MTPN: variants seen among roughly 807,000 people sequenced by gnomAD.
The protein encoded by MTPN is myotrophin.
Under a neutral mutation model 13.5 loss-of-function variants are expected in MTPN, and 2 were observed. The ratio of observed to expected loss-of-function variants is 0.15; its 90% CI spans 0.06 to 0.47. The LOEUF is 0.47. Ranked by LOEUF, MTPN falls within the 20% of genes least tolerant of loss-of-function variation. MTPN has a pLI of 0.97. For synonymous variants in MTPN, 46 were observed against 51.7 expected (o/e 0.89, Z 0.48); for missense variants, 79 against 137.9 (o/e 0.57, Z 2.14).
intron 3 of MTPN, among the ~76,000 whole-genome samples, chr7:135,937,400 C>G (rs1038172374): frequency 1.3e-5 from 2 of 148,756 alleles, no homozygotes; most frequent in East Asian, 2.1e-4. Flanking sequence ...CACACACACA[C>G]AAAACCTCTC....
intron 3 of MTPN, among the ~76,000 whole-genome samples, chr7:135,946,957 C>T (rs1799296682): frequency 6.6e-6 from 1 of 152,122 alleles, no homozygotes; most frequent in South Asian, 2.1e-4. Flanking sequence ...GCTTCTTGAG[C>T]CTGCATTAAT....
intron 1 of MTPN, among the ~76,000 whole-genome samples, chr7:135,972,231 G>GCGCACACACACACACACACACA (rs779296906): frequency 1.1e-4 from 14 of 124,698 alleles, no homozygotes; most frequent in Admixed American, 6.8e-4. Flanking sequence ...GCACGCGCGC[G>GCGCACACACACACACACACACA]CACACACACA....
In MTPN at chr7:135,977,266, A is replaced by G; in HGVS notation, c.-166T>C. On this transcript the variant is annotated 5_prime_UTR_variant, in exon 1 of 4. Coordinates refer to ENST00000393085, the MANE Select transcript of MTPN (RefSeq NM_145808.4). ...GCGGGCGAGGCAGTTGGCCGCGGCG[A>G]CCGTTCGGGCGGGAGAAAGAAAGTT... The G allele has an allele frequency of 2.9e-6, 2 of 681,376 alleles. No individual in the cohort carries two copies. The highest frequency in any genetic ancestry group is 5.1e-6 in the Non-Finnish European group (2 of 391,418). 42.2% of individuals were successfully genotyped at this position (681,376 alleles called of 1,614,324 possible). A position where few individuals can be genotyped will look rare whatever the true frequency, so the allele number is the denominator to read the frequency against.
intron 1 of MTPN, among the ~76,000 whole-genome samples, chr7:135,966,432 T>C (rs546429839): frequency 6.6e-6 from 1 of 152,166 alleles, no homozygotes; most frequent in South Asian, 2.1e-4. Context: ...ATCATGCATA[T>C]CCCTAAGCAG....
chr7:135,938,340 GCAA>G (rs1215909459), intron 3 of MTPN, among the ~76,000 whole-genome samples: 3 of 152,182 alleles, frequency 2.0e-5, no homozygotes, highest in African/African-American at 7.2e-5. Context: ...ATTTTCTTTA[GCAA>G]CCATGGTTTT....
At chr7:135,964,516 C>T (rs1400325510) in intron 1 of MTPN, among the ~76,000 whole-genome samples, 1 of 152,066 alleles carries the variant, frequency 6.6e-6, no homozygotes, top group Non-Finnish European at 1.5e-5. Context: ...GAAGGATGAT[C>T]TCATGCAGCT....
chr7:135,964,726 C>A (rs1267976006), intron 1 of MTPN, among the ~76,000 whole-genome samples: 1 of 152,020 alleles, frequency 6.6e-6, no homozygotes, highest in Non-Finnish European at 1.5e-5. Context: ...AAGCACCTTT[C>A]CATGCCTTGC....
chr7:135,935,348 C>T (rs1476263332), intron 3 of MTPN, among the ~76,000 whole-genome samples: 1 of 151,980 alleles, frequency 6.6e-6, no homozygotes, highest in Non-Finnish European at 1.5e-5. Flanking sequence ...AAGCAATTCT[C>T]CTGCCTCAGC....
At chr7:135,953,601 T>C (rs868807207) in intron 1 of MTPN, among the ~76,000 whole-genome samples, 8 of 152,192 alleles carry the variant, frequency 5.3e-5, no homozygotes, top group Non-Finnish European at 1.0e-4. Flanking sequence ...ATGTATGTAA[T>C]AGGTATACTC....
chr7:135,958,510 T>C (rs1799477268), intron 1 of MTPN, among the ~76,000 whole-genome samples: 1 of 152,188 alleles, frequency 6.6e-6, no homozygotes, highest in Non-Finnish European at 1.5e-5. Flanking sequence ...TTTTAATCCT[T>C]GCTTGTGTCT....
chr7:135,939,502 C>A (rs1799169488), intron 3 of MTPN, among the ~76,000 whole-genome samples: 1 of 147,072 alleles, frequency 6.8e-6, no homozygotes, highest in Non-Finnish European at 1.5e-5. Flanking sequence ...CCCCCCTCTT[C>A]CTGTTGTCAA....
In MTPN at chr7:135,950,638, A is replaced by G. The variant is rs1258079692; in HGVS notation, c.231T>C (p.Tyr77=). ...HHITPLLSAV[Y]EGHVSCVKLL... ...ATTTCACACAGGAAACATGACCCTC[A>G]TAGACAGCAGACAGAAGAGGAGTAA... The change falls in exon 3 of 4, where the codon TAT becomes TAC. Residue 77 remains tyrosine, a synonymous_variant. Coordinates refer to ENST00000393085, the MANE Select transcript of MTPN (RefSeq NM_145808.4). The G allele has an allele frequency of 2.5e-6, 4 of 1,613,470 alleles. No homozygotes were observed. Among genetic ancestry groups the G allele is most frequent in the Non-Finnish European group, 8.5e-7 (1 of 1,179,474 alleles).
rs1052805736 is a variant in MTPN, at chr7:135,927,917, A to G, written c.*2009T>C. The G allele has an allele frequency of 3.3e-6, 1 of 301,198 alleles. No homozygotes were observed. The highest frequency in any genetic ancestry group is 6.8e-6 in the Non-Finnish European group (1 of 146,352). 18.7% of individuals were successfully genotyped at this position (301,198 alleles called of 1,614,324 possible). Reference sequence around the variant, plus strand: ...CTCTCTGCAATAGCCAACTACAACAAAACACTTTGAAAGTAAAGGTGAAAA... The same window carrying G: ...CTCTCTGCAATAGCCAACTACAACAGAACACTTTGAAAGTAAAGGTGAAAA... On this transcript the variant is annotated 3_prime_UTR_variant, in exon 4 of 4. Coordinates refer to ENST00000393085, the MANE Select transcript of MTPN (RefSeq NM_145808.4).
intron 1 of MTPN, 87 bp downstream of exon 1, chr7:135,976,942 T>TC: frequency 5.4e-6 from 2 of 368,376 alleles, no homozygotes; most frequent in South Asian, 4.2e-5. Context: ...CCCACCCCCA[T>TC]CCCCGCAGTC....
At chr7:135,973,634 A>G (rs1156341788) in intron 1 of MTPN, among the ~76,000 whole-genome samples, 1 of 152,218 alleles carries the variant, frequency 6.6e-6, no homozygotes, top group Admixed American at 6.5e-5. Flanking sequence ...AGAAACATCC[A>G]GATCAAAAAT....
At chr7:135,969,238 T>TAAA (rs57871609) in intron 1 of MTPN, among the ~76,000 whole-genome samples, 4 of 109,104 alleles carry the variant, frequency 3.7e-5, no homozygotes, top group Non-Finnish European at 5.8e-5. Context: ...TAAAGTATAA[T>TAAA]AAAAAAAAAA....
At chr7:135,930,343 C>T (rs1178499926) in intron 3 of MTPN, among the ~76,000 whole-genome samples, 3 of 152,098 alleles carry the variant, frequency 2.0e-5, no homozygotes, top group Non-Finnish European at 2.9e-5. Flanking sequence ...TCCCTATGTG[C>T]AGTATGAAAC....
chr7:135,950,694 TAAAC>T lies in MTPN; in HGVS notation c.187-16_187-13del. On this transcript the variant is annotated splice_polypyrimidine_tract_variant and intron_variant, in intron 2 of 3. Coordinates refer to ENST00000393085, the MANE Select transcript of MTPN (RefSeq NM_145808.4). ...TGTTTATCTGGAGCCTATGAAATAA[TAAAC>T]AGAGATAACTTTATCTGTTTTTCAT... The T allele has an allele frequency of 3.2e-6, 5 of 1,567,480 alleles. No homozygotes were observed. The South Asian group carries it at 5.7e-5, about 18-fold the overall frequency.
chr7:135,963,552 A>G (rs1460677608), intron 1 of MTPN, among the ~76,000 whole-genome samples: 1 of 152,052 alleles, frequency 6.6e-6, no homozygotes, highest in Non-Finnish European at 1.5e-5. Context: ...ATGGCACAAT[A>G]GAAAGAAAGA....
Sources: gnomAD v4.1 joint callset for allele counts (sites outside exome capture counted in the v4.1 genomes callset) on GRCh38, gnomAD v4.1.1 for gene constraint, MANE v1.5 for transcripts, NCBI Gene and HGNC (gene_info 2026-07-23, HGNC 2026-07-21) for gene names.